Variants in SAMMSON observed in about 807,000 individuals in gnomAD.
SAMMSON encodes long intergenic non-protein coding RNA 1212.
chr3:70,192,906 G>C (rs1052031346), intron 4 of SAMMSON, among the ~76,000 whole-genome samples: 1 of 152,136 alleles, frequency 6.6e-6, no homozygotes, highest in Non-Finnish European at 1.5e-5. Flanking sequence ...AAATGCTGTT[G>C]ACATTTAGAT....
At chr3:70,177,998 T>C (rs527323473) in intron 4 of SAMMSON, among the ~76,000 whole-genome samples, 1 of 152,308 alleles carries the variant, frequency 6.6e-6, no homozygotes, top group African/African-American at 2.4e-5. Context: ...ATGGTGTATG[T>C]ATATATCTAT....
At chr3:70,085,812 A>G (rs1318485445) in intron 4 of SAMMSON, among the ~76,000 whole-genome samples, 1 of 152,168 alleles carries the variant, frequency 6.6e-6, no homozygotes, top group Non-Finnish European at 1.5e-5. Flanking sequence ...CAAATACAGG[A>G]AGGACTAGTG....
chr3:70,275,147 G>C (rs1458882179), intron 6 of SAMMSON, among the ~76,000 whole-genome samples: 1 of 152,096 alleles, frequency 6.6e-6, no homozygotes, highest in Non-Finnish European at 1.5e-5. Context: ...TTAAATATTA[G>C]AATTTTAACT....
At chr3:70,329,366 T>C (rs1313889053) in intron 7 of SAMMSON, among the ~76,000 whole-genome samples, 1 of 152,076 alleles carries the variant, frequency 6.6e-6, no homozygotes. Context: ...TGCTGTTACA[T>C]TTCATTTTTC....
intron 9 of SAMMSON, among the ~76,000 whole-genome samples, chr3:70,372,936 T>C (rs1004784569): frequency 1.3e-5 from 2 of 152,206 alleles, no homozygotes; most frequent in African/African-American, 4.8e-5. Context: ...TCTATTATTT[T>C]TATCCGTTTA....
chr3:70,088,465 G>T (rs1040861364), intron 4 of SAMMSON, among the ~76,000 whole-genome samples: 2 of 152,164 alleles, frequency 1.3e-5, no homozygotes, highest in Non-Finnish European at 2.9e-5. Context: ...GTGCACCATG[G>T]TGCATCTCAA....
intron 2 of SAMMSON, among the ~76,000 whole-genome samples, chr3:70,396,530 G>T (rs1701094556): frequency 6.6e-6 from 1 of 152,108 alleles, no homozygotes; most frequent in Non-Finnish European, 1.5e-5. Flanking sequence ...TTGTTCTAGG[G>T]ATACAGCAGT....
intron 3 of SAMMSON, among the ~76,000 whole-genome samples, chr3:70,015,850 G>C (rs1345849376): frequency 2.0e-5 from 3 of 152,106 alleles, no homozygotes; most frequent in Non-Finnish European, 1.5e-5. Flanking sequence ...TGCTGAGAAT[G>C]ATGGTTTCCA....
At chr3:70,354,748 A>G (rs1158627443) in intron 8 of SAMMSON, among the ~76,000 whole-genome samples, 1 of 152,218 alleles carries the variant, frequency 6.6e-6, no homozygotes, top group African/African-American at 2.4e-5. Context: ...TGAGGACTCC[A>G]CAACAGCCTT....
intron 4 of SAMMSON, among the ~76,000 whole-genome samples, chr3:70,181,796 G>C (rs1256506330): frequency 6.6e-6 from 1 of 152,020 alleles, no homozygotes; most frequent in African/African-American, 2.4e-5. Flanking sequence ...AAACATTTTG[G>C]GTGTTCTTCC....
intron 4 of SAMMSON, among the ~76,000 whole-genome samples, chr3:70,135,815 T>G (rs1175102856): frequency 6.6e-6 from 1 of 152,226 alleles, no homozygotes; most frequent in Non-Finnish European, 1.5e-5. Context: ...ACTAATAAGC[T>G]GAAGCAGTTC....
In SAMMSON at chr3:70,008,805, T is replaced by A. The variant is rs1213228711; in HGVS notation, n.23-3552T>A. ...ATAAATAGCTCTTATTATTTTGAGA[T>A]ACGTCCCATCAATACCTAATTTATT... On this transcript the variant is annotated intron_variant and non_coding_transcript_variant, in intron 1 of 9. Transcript: ENST00000642114. Among the ~76,000 whole-genome samples the A allele has an allele frequency of 5.3e-5, 8 of 152,334 alleles. No homozygotes were observed. In the East Asian group the frequency reaches 9.6e-4, roughly 18 times the overall value.
chr3:70,175,819 G>A (rs546499758), intron 4 of SAMMSON, among the ~76,000 whole-genome samples: 1 of 152,156 alleles, frequency 6.6e-6, no homozygotes, highest in Non-Finnish European at 1.5e-5. Flanking sequence ...TCTCTCTGAC[G>A]ATGGTAAAAA....
intron 2 of SAMMSON, among the ~76,000 whole-genome samples, chr3:70,420,814 T>C (rs1701305366): frequency 6.6e-6 from 1 of 152,122 alleles, no homozygotes; most frequent in South Asian, 2.1e-4. Context: ...GTATACAAGA[T>C]TAAGTGTAGG....
At chr3:70,174,240 G>A (rs1053569225) in intron 4 of SAMMSON, among the ~76,000 whole-genome samples, 1 of 151,840 alleles carries the variant, frequency 6.6e-6, no homozygotes, top group Admixed American at 6.6e-5. Flanking sequence ...TATGAAGCAC[G>A]GTGAGAACAA....
At chr3:70,206,187 C>T (rs544386076) in intron 4 of SAMMSON, among the ~76,000 whole-genome samples, 80 of 151,788 alleles carry the variant, frequency 5.3e-4, no homozygotes, top group Admixed American at 3.2e-3. Flanking sequence ...TATATATTTC[C>T]GGCATTTTAA....
chr3:70,292,039 C>G (rs759337568), intron 7 of SAMMSON: 2 of 152,166 alleles, frequency 1.3e-5, no homozygotes, highest in Non-Finnish European at 2.9e-5. Context: ...TCTCTTCCTT[C>G]AAGAAGGTAA....
At chr3:70,241,110 G>T (rs1028235201) in intron 4 of SAMMSON, among the ~76,000 whole-genome samples, 2 of 152,094 alleles carry the variant, frequency 1.3e-5, no homozygotes, top group South Asian at 4.1e-4. Flanking sequence ...TTCTGTTCAT[G>T]GATGGAGTAC....
intron 4 of SAMMSON, among the ~76,000 whole-genome samples, chr3:70,213,601 G>A (rs1465210308): frequency 1.3e-5 from 2 of 152,050 alleles, no homozygotes; most frequent in Admixed American, 6.6e-5. Context: ...AATTATTGTG[G>A]TTAGTAAAAG....
Sources: gnomAD v4.1 joint callset for allele counts (sites outside exome capture counted in the v4.1 genomes callset) on GRCh38, gnomAD v4.1.1 for gene constraint, MANE v1.5 for transcripts, NCBI Gene and HGNC (gene_info 2026-07-23, HGNC 2026-07-21) for gene names.